The following SORCS2 variants were observed in gnomAD, a reference collection of about 807,000 sequenced individuals.
The protein encoded by SORCS2 is sortilin related VPS10 domain containing receptor 2.
A neutral mutation model predicts 141.6 loss-of-function variants in SORCS2; 100 were observed. The observed-to-expected ratio is 0.71, with a 90% CI of 0.60 to 0.83. The LOEUF (loss-of-function observed/expected upper bound fraction) is 0.83. SORCS2 is among the 40% of genes least tolerant of loss of function. The pLI is 0.00. For missense variants in SORCS2, 1,646 were observed against 1,560.2 expected, an observed-to-expected ratio of 1.05 and a Z score of -0.93; for synonymous variants, 789 against 676.9, an observed-to-expected ratio of 1.17 and a Z score of -2.57.
intron 1 of SORCS2, among the ~76,000 whole-genome samples, chr4:7,219,985 A>C (rs1005993638): frequency 4.6e-5 from 7 of 152,212 alleles, no homozygotes; most frequent in Admixed American, 1.3e-4. Context: ...TGCTGGATTT[A>C]AGAGGCCAGG....
chr4:7,328,261 C>T (rs1407914481), intron 1 of SORCS2, among the ~76,000 whole-genome samples: 1 of 150,612 alleles, frequency 6.6e-6, no homozygotes, highest in Non-Finnish European at 1.5e-5. Context: ...GTCTTGAACT[C>T]CTGGCTTCAA....
At chr4:7,543,409 A>G (rs1436505250) in intron 3 of SORCS2, among the ~76,000 whole-genome samples, 2 of 80,036 alleles carry the variant, frequency 2.5e-5, no homozygotes, top group Non-Finnish European at 6.5e-5. Context: ...CCATCCACCC[A>G]TCCATCTATC....
intron 2 of SORCS2, among the ~76,000 whole-genome samples, chr4:7,412,883 C>A (rs1725409470): frequency 3.3e-5 from 5 of 152,140 alleles, no homozygotes; most frequent in Admixed American, 3.3e-4. Flanking sequence ...CATCCTGTCC[C>A]CACCATGGCA....
chr4:7,624,188 A>T (rs1719380966), intron 3 of SORCS2, among the ~76,000 whole-genome samples: 1 of 136,854 alleles, frequency 7.3e-6, no homozygotes. Flanking sequence ...CCGTGATTCA[A>T]GCTGCTATCA....
intron 1 of SORCS2, among the ~76,000 whole-genome samples, chr4:7,278,942 C>T (rs138267855): frequency 1.3e-5 from 2 of 152,174 alleles, no homozygotes; most frequent in Non-Finnish European, 2.9e-5. Context: ...CCAGAAAACC[C>T]CACAGGGCTG....
At chr4:7,685,796 A>G (rs1250260692) in intron 10 of SORCS2, among the ~76,000 whole-genome samples, 1 of 152,178 alleles carries the variant, frequency 6.6e-6, no homozygotes, top group Non-Finnish European at 1.5e-5. Flanking sequence ...AAGTTGGGCC[A>G]CTCACAGCAC....
chr4:7,561,091 T>C (rs1157427888), intron 3 of SORCS2, among the ~76,000 whole-genome samples: 2 of 152,160 alleles, frequency 1.3e-5, no homozygotes, highest in African/African-American at 4.8e-5. Flanking sequence ...TCCATAGCTT[T>C]AGGAGATCAA....
chr4:7,202,012 G>C lies in SORCS2; in HGVS notation c.480+8886G>C, dbSNP rs1310524137. ...AAAGCGCCGTCCTGGATGTGAGCTT[G>C]GATTCTGGGTGTAGAAGAAGTGCAG... On this transcript the variant is annotated intron_variant, in intron 1 of 26. Transcript: ENST00000507866. Among the ~76,000 whole-genome samples the C allele has an allele frequency of 4.6e-5, 7 of 152,096 alleles. No homozygotes were observed. The South Asian group carries it at 6.2e-4, about 14-fold the overall frequency.
chr4:7,324,008 C>T (rs1465811213), intron 1 of SORCS2, among the ~76,000 whole-genome samples: 3 of 152,206 alleles, frequency 2.0e-5, no homozygotes, highest in Non-Finnish European at 4.4e-5. Flanking sequence ...ATCTGAGGCC[C>T]ACACCATCCT....
At chr4:7,559,904 C>T (rs866775835) in intron 3 of SORCS2, among the ~76,000 whole-genome samples, 6 of 152,192 alleles carry the variant, frequency 3.9e-5, no homozygotes, top group Non-Finnish European at 8.8e-5. Context: ...ACTGCAGGGC[C>T]GGAGCCAGGC....
chr4:7,491,384 T>C (rs1486007500), intron 2 of SORCS2, among the ~76,000 whole-genome samples: 2 of 152,214 alleles, frequency 1.3e-5, no homozygotes, highest in Non-Finnish European at 2.9e-5. Flanking sequence ...GCCCCTGTCA[T>C]GGAGTCCCGG....
chr4:7,434,466 G>A, intron 2 of SORCS2: 1 of 1,611,312 alleles, frequency 6.2e-7, no homozygotes, highest in South Asian at 1.1e-5. Context: ...GCTCACAGAG[G>A]CTGAGCGCTG....
rs563664614 is a variant in SORCS2, at chr4:7,248,475, G to A, written c.480+55349G>A. 2.3e-4 allele frequency among the ~76,000 whole-genome samples: 35 copies of A among 152,262 alleles called. 1 individual carries two copies. The East Asian group carries it at 2.5e-3, about 11-fold the overall frequency. On this transcript the variant is annotated intron_variant, in intron 1 of 26. Transcript: ENST00000507866. ...TAATAAAGAAGATGATGACCTTTCC[G>A]TGCCAGTGTCCTGTGAGAATTGAAG...
At chr4:7,633,638 A>G (rs1408911067) in intron 3 of SORCS2, among the ~76,000 whole-genome samples, 1 of 152,224 alleles carries the variant, frequency 6.6e-6, no homozygotes, top group Non-Finnish European at 1.5e-5. Context: ...GCATAAGTGG[A>G]TGAGTTTTTT....
At chr4:7,699,814 G>A (rs1724943447) in intron 12 of SORCS2, among the ~76,000 whole-genome samples, 1 of 152,182 alleles carries the variant, frequency 6.6e-6, no homozygotes, top group Non-Finnish European at 1.5e-5. Context: ...CTCCTCAGAT[G>A]TTCCCCGAGA....
chr4:7,513,949 C>G (rs929901972), intron 2 of SORCS2, among the ~76,000 whole-genome samples: 2 of 152,148 alleles, frequency 1.3e-5, no homozygotes, highest in African/African-American at 2.4e-5. Context: ...GAGACTGAAT[C>G]AGGGCTGTGG....
intron 2 of SORCS2, among the ~76,000 whole-genome samples, chr4:7,422,413 C>T (rs908168118): frequency 7.9e-5 from 12 of 152,168 alleles, no homozygotes; most frequent in Non-Finnish European, 1.8e-4. Context: ...CCTTCCTTTC[C>T]GTGGACACTG....
chr4:7,234,981 A>G (rs1712163059), intron 1 of SORCS2, among the ~76,000 whole-genome samples: 1 of 152,156 alleles, frequency 6.6e-6, no homozygotes, highest in Admixed American at 6.5e-5. Flanking sequence ...TGGCAGGGGA[A>G]CTTAGGCCTG....
chr4:7,687,695 T>C (rs1209263363), intron 10 of SORCS2, among the ~76,000 whole-genome samples: 1 of 152,172 alleles, frequency 6.6e-6, no homozygotes, highest in East Asian at 1.9e-4. Context: ...ATTTTCAACC[T>C]TTCTTTTTTT....
Sources: gnomAD v4.1 joint callset for allele counts (sites outside exome capture counted in the v4.1 genomes callset) on GRCh38, gnomAD v4.1.1 for gene constraint, MANE v1.5 for transcripts, NCBI Gene and HGNC (gene_info 2026-07-23, HGNC 2026-07-21) for gene names.